The following TUNAR variants were observed in gnomAD, a reference collection of about 807,000 sequenced individuals.
TUNAR encodes protein TUNAR.
intron 2 of TUNAR, among the ~76,000 whole-genome samples, chr14:95,906,882 C>T (rs982100819): frequency 6.6e-6 from 1 of 152,238 alleles, no homozygotes; most frequent in South Asian, 2.1e-4. Context: ...TCCTACCCCA[C>T]TCTTCTCTGC....
intron 2 of TUNAR, among the ~76,000 whole-genome samples, chr14:95,912,284 C>T (rs1184409371): frequency 6.6e-6 from 1 of 152,030 alleles, no homozygotes; most frequent in East Asian, 1.9e-4. Context: ...ACTTTAGTCC[C>T]CATAATCATG....
At chr14:95,908,841 A>G (rs1363734313) in intron 2 of TUNAR, among the ~76,000 whole-genome samples, 1 of 152,178 alleles carries the variant, frequency 6.6e-6, no homozygotes, top group Non-Finnish European at 1.5e-5. Flanking sequence ...CCATACCTGG[A>G]ACCCAAATCC....
chr14:95,889,214 G>A (rs775174725), intron 2 of TUNAR, among the ~76,000 whole-genome samples: 5 of 151,662 alleles, frequency 3.3e-5, no homozygotes, highest in Admixed American at 6.6e-5. Flanking sequence ...TTGGGTCCTG[G>A]GCAATTCTGT....
chr14:95,896,622 CTGTT>C (rs1889273861), intron 2 of TUNAR, among the ~76,000 whole-genome samples: 1 of 152,202 alleles, frequency 6.6e-6, no homozygotes, highest in Non-Finnish European at 1.5e-5. Flanking sequence ...AGCCTCTGCT[CTGTT>C]TGCCTTACTC....
chr14:95,884,875 CT>C (rs561561161), intron 2 of TUNAR, among the ~76,000 whole-genome samples: 1,788 of 147,436 alleles, frequency 0.012, 16 homozygotes, highest in South Asian at 0.072. Flanking sequence ...TTTCTCTGGC[CT>C]TTTTTTTTTT....
chr14:95,897,122 C>T (rs771030846), intron 2 of TUNAR, among the ~76,000 whole-genome samples: 5 of 152,228 alleles, frequency 3.3e-5, no homozygotes, highest in African/African-American at 7.2e-5. Flanking sequence ...TGAATGCTTG[C>T]TTTGTGCCAG....
chr14:95,924,958 G>C (rs1285246130), exon 3 of TUNAR: 1 of 152,162 alleles, frequency 6.6e-6, no homozygotes, highest in Non-Finnish European at 1.5e-5. Flanking sequence ...TCATTTCTTG[G>C]GCTCTGTTAA....
At chr14:95,878,437 C>T (rs1331011186) in intron 2 of TUNAR, among the ~76,000 whole-genome samples, 1 of 152,084 alleles carries the variant, frequency 6.6e-6, no homozygotes, top group African/African-American at 2.4e-5. Flanking sequence ...GTTGTCTACA[C>T]GTACATTTGT....
At chr14:95,888,019 C>T (rs1309205651) in intron 2 of TUNAR, among the ~76,000 whole-genome samples, 1 of 152,212 alleles carries the variant, frequency 6.6e-6, no homozygotes, top group African/African-American at 2.4e-5. Flanking sequence ...GTCACAGTCA[C>T]TTTGGGGGAC....
At chr14:95,898,308 ATTC>A (rs1340288881) in intron 2 of TUNAR, among the ~76,000 whole-genome samples, 2 of 152,118 alleles carry the variant, frequency 1.3e-5, no homozygotes, top group East Asian at 1.9e-4. Context: ...GATTATAAGA[ATTC>A]TTCTTCATTC....
intron 2 of TUNAR, among the ~76,000 whole-genome samples, chr14:95,900,319 T>A (rs1359382821): frequency 6.6e-6 from 1 of 152,084 alleles, no homozygotes; most frequent in Non-Finnish European, 1.5e-5. Flanking sequence ...GTGGGCTGCA[T>A]GATTGCGGGG....
At chr14:95,882,795 A>G (rs1280915768) in intron 2 of TUNAR, among the ~76,000 whole-genome samples, 2 of 152,212 alleles carry the variant, frequency 1.3e-5, no homozygotes, top group African/African-American at 4.8e-5. Context: ...ATCTGCTAAT[A>G]TGGTCTGGGG....
intron 2 of TUNAR, among the ~76,000 whole-genome samples, chr14:95,887,322 G>A (rs1889094299): frequency 6.6e-6 from 1 of 152,210 alleles, no homozygotes; most frequent in Non-Finnish European, 1.5e-5. Context: ...TGGCCTGTTA[G>A]TGACTGGATG....
Position 95,920,351 on chromosome 14 carries a change from C to G in TUNAR, c.13-2430C>G, listed in dbSNP as rs114997858. Among the ~76,000 whole-genome samples, 1,394 of 152,168 alleles carry G rather than the reference C, an allele frequency of 9.2e-3. 24 individuals carry two copies. Among genetic ancestry groups the G allele is most frequent in the African/African-American group, 0.031 (1,301 of 41,506 alleles). On this transcript the variant is annotated intron_variant, in intron 2 of 2. Transcript: ENST00000678517. ...GTGCTAAACAGATATGAAAATGTAT[C>G]AAGCTGTACATTTAAACTTTGTGCA...
At chr14:95,892,129 G>A (rs537550461) in intron 2 of TUNAR, among the ~76,000 whole-genome samples, 118 of 152,332 alleles carry the variant, frequency 7.7e-4, no homozygotes, top group African/African-American at 2.2e-3. Context: ...TCTTTTGGGG[G>A]GACACAGGTC....
At chr14:95,904,101 T>C (rs1015184655) in intron 2 of TUNAR, among the ~76,000 whole-genome samples, 2 of 152,196 alleles carry the variant, frequency 1.3e-5, no homozygotes, top group Non-Finnish European at 2.9e-5. Flanking sequence ...CTGGGCAAGG[T>C]GGATTTTGCA....
In TUNAR at chr14:95,903,896, G is replaced by T. The variant is rs1595121552; in HGVS notation, c.13-18885G>T. Among the ~76,000 whole-genome samples the T allele has an allele frequency of 2.6e-5, 4 of 152,212 alleles. No individual in the cohort carries two copies. In the South Asian group the frequency reaches 8.3e-4, roughly 32 times the overall value. ...GCTCGCTGGGGCTTCCTCACAGCAGGTGGCCTCAGGGGAGTTGGATACTGG... is the reference window on the plus strand; with the variant it reads ...GCTCGCTGGGGCTTCCTCACAGCAGTTGGCCTCAGGGGAGTTGGATACTGG... On this transcript the variant is annotated intron_variant, in intron 2 of 2. Coordinates refer to ENST00000678517, the Ensembl canonical transcript of TUNAR.
intron 2 of TUNAR, among the ~76,000 whole-genome samples, chr14:95,892,092 G>T (rs1889187862): frequency 6.6e-6 from 1 of 152,254 alleles, no homozygotes; most frequent in African/African-American, 2.4e-5. Context: ...CAAAGTCACA[G>T]GTACTAACAG....
chr14:95,880,905 G>T (rs1298742817), intron 2 of TUNAR, among the ~76,000 whole-genome samples: 2 of 152,222 alleles, frequency 1.3e-5, no homozygotes, highest in East Asian at 3.8e-4. Context: ...AGTAGACATT[G>T]TGAACCCTGT....
Sources: gnomAD v4.1 joint callset for allele counts (sites outside exome capture counted in the v4.1 genomes callset) on GRCh38, gnomAD v4.1.1 for gene constraint, MANE v1.5 for transcripts, NCBI Gene and HGNC (gene_info 2026-07-23, HGNC 2026-07-21) for gene names.